Variants in KCTD15 observed in about 807,000 individuals in gnomAD.
KCTD15 encodes BTB/POZ domain-containing protein KCTD15.
In KCTD15, 11 loss-of-function variants were observed where a neutral mutation model predicts 27.2. The observed-to-expected ratio is 0.41, with a 90% CI of 0.25 to 0.67. The LOEUF is 0.67. Among genes scored for constraint, KCTD15 ranks in the 30% least tolerant of loss-of-function variants. The pLI is 0.35. For synonymous variants in KCTD15, 163 were observed against 176.0 expected, an observed-to-expected ratio of 0.93 and a Z score of 0.58; for missense variants, 350 against 409.3, an observed-to-expected ratio of 0.86 and a Z score of 1.25.
rs560295318 is a variant in KCTD15 at position 33,800,502 on chromosome 19, C to T, written c.48C>T (p.His16=). 8 of 1,600,626 alleles carry T rather than the reference C, an allele frequency of 5.0e-6. No individual in the cohort carries two copies. Among genetic ancestry groups the T allele is most frequent in the East Asian group, 2.3e-5 (1 of 44,346 alleles). ...CGAGCGGGTCCTCGCTTCACACACACGGCAGCACCGGCACCGCGGTGAGCC... is the reference window on the plus strand; with the variant it reads ...CGAGCGGGTCCTCGCTTCACACACATGGCAGCACCGGCACCGCGGTGAGCC... The part of the protein sequence containing the change: ...ERPSGSSLHT[H]GSTGTAEGGN... The change falls in exon 3 of 7, where the codon CAC becomes CAT. Residue 16 remains histidine (H), a synonymous_variant. Coordinates refer to ENST00000683859, the MANE Select transcript of KCTD15 (RefSeq NM_001129994.2).
chr19:33,800,201 G>C (rs1975480571), intron 2 of KCTD15, among the ~76,000 whole-genome samples: 1 of 152,116 alleles, frequency 6.6e-6, no homozygotes, highest in South Asian at 2.1e-4. Context: ...GAGTGTGACT[G>C]TGTGTGTGTG....
chr19:33,805,634 C>T (rs1975687001), intron 4 of KCTD15, among the ~76,000 whole-genome samples: 1 of 152,226 alleles, frequency 6.6e-6, no homozygotes, highest in Admixed American at 6.5e-5. Context: ...GAGAAGCTGC[C>T]ACCTTGGCAG....
At position 33,815,037 on chromosome 19, in the gene KCTD15, G is replaced by C. The variant is rs1035281409; in HGVS notation, c.*2089G>C. On this transcript the variant is annotated 3_prime_UTR_variant, in exon 7 of 7. Transcript: ENST00000683859. Reference sequence around the variant, plus strand: ...CCATCTGAGTGGAGGAGAAAGTGTTGTGTTTATTAGCAGGAAGTCTTGTGA... The same window carrying C: ...CCATCTGAGTGGAGGAGAAAGTGTTCTGTTTATTAGCAGGAAGTCTTGTGA... 6.6e-6 allele frequency: 1 copy of C among 152,202 alleles called. No homozygotes were observed. The highest frequency in any genetic ancestry group is 2.4e-5 in the African/African-American group (1 of 41,444). The allele number at this position is 152,202 out of a possible 1,614,324, so 9.4% of individuals were successfully genotyped here.
intron 2 of KCTD15, among the ~76,000 whole-genome samples, chr19:33,800,199 C>CTG (rs558591760): frequency 1.4e-4 from 21 of 152,136 alleles, no homozygotes; most frequent in Non-Finnish European, 2.5e-4. Context: ...GTGAGTGTGA[C>CTG]TGTGTGTGTG....
In KCTD15 at chr19:33,800,424, G is replaced by T; in HGVS notation, c.-27-4G>T. On this transcript the variant is annotated splice_region_variant and splice_polypyrimidine_tract_variant and intron_variant, in intron 2 of 6. Transcript: ENST00000683859. Reference sequence around the variant, plus strand: ...TTCTCTGGTTTTGTCGATGCCTCCCGCAGATACTCTGGGCAGGGATGGAAG... The same window carrying T: ...TTCTCTGGTTTTGTCGATGCCTCCCTCAGATACTCTGGGCAGGGATGGAAG... 6.3e-7 allele frequency: 1 copy of T among 1,589,616 alleles called. No individual in the cohort carries two copies.
intron 4 of KCTD15, among the ~76,000 whole-genome samples, chr19:33,806,467 G>A (rs1975715209): frequency 6.6e-6 from 1 of 152,162 alleles, no homozygotes; most frequent in Non-Finnish European, 1.5e-5. Flanking sequence ...GATGGTTCAT[G>A]TGCATTTTCT....
upstream of KCTD15, chr19:33,796,820 CGGGAGGGGTGGGTGGG>C (rs1355124091): frequency 6.0e-4 from 2 of 3,318 alleles, no homozygotes; most frequent in African/African-American, 2.5e-3. Flanking sequence ...GGGGCCGGGG[CGGGAGGGGTGGGTGGG>C]GGGAGGGTTG....
At chr19:33,796,649 G>C (rs1975324352), upstream of KCTD15, 3 of 151,696 alleles carry the variant, frequency 2.0e-5, no homozygotes, top group African/African-American at 7.3e-5. Flanking sequence ...GGAGAGAGAG[G>C]AGGGAGGAGA....
At chr19:33,794,241 G>A (rs576049254), upstream of KCTD15, among the ~76,000 whole-genome samples, 5 of 152,298 alleles carry the variant, frequency 3.3e-5, no homozygotes, top group East Asian at 3.9e-4. Context: ...TCATGGCCTT[G>A]AGGCAAAGAG....
intron 4 of KCTD15, chr19:33,801,568 T>C (rs924964422): frequency 6.6e-5 from 29 of 437,610 alleles, no homozygotes; most frequent in Admixed American, 2.5e-4. Flanking sequence ...GCATTGGTAG[T>C]GCAAGGTGGA....
chr19:33,807,527 G>C (rs1975750692), intron 5 of KCTD15, among the ~76,000 whole-genome samples: 1 of 152,168 alleles, frequency 6.6e-6, no homozygotes, highest in South Asian at 2.1e-4. Flanking sequence ...TTTGAGACCA[G>C]CCTGGCCAAG....
Position 33,814,801 on chromosome 19 carries a change from C to T in KCTD15, c.*1853C>T, listed in dbSNP as rs992865376. On this transcript the variant is annotated 3_prime_UTR_variant, in exon 7 of 7. Transcript: ENST00000683859. Reference sequence around the variant, plus strand: ...TTCTCAAAGCCCTTATGTTCTAACCCATGAGAACCATTTTACCTGCCCTCT... The same window carrying T: ...TTCTCAAAGCCCTTATGTTCTAACCTATGAGAACCATTTTACCTGCCCTCT... The T allele has an allele frequency of 3.9e-5, 6 of 152,250 alleles. No homozygotes were observed. In the East Asian group the frequency reaches 1.2e-3, roughly 29 times the overall value. 9.4% of individuals were successfully genotyped at this position (152,250 alleles called of 1,614,324 possible).
intron 4 of KCTD15, among the ~76,000 whole-genome samples, chr19:33,805,887 C>G (rs1975695364): frequency 6.6e-6 from 1 of 152,156 alleles, no homozygotes; most frequent in African/African-American, 2.4e-5. Context: ...CTGGCTCCTT[C>G]TCCCCGGAGT....
At chr19:33,807,583 G>A (rs1309626558) in intron 5 of KCTD15, among the ~76,000 whole-genome samples, 6 of 152,246 alleles carry the variant, frequency 3.9e-5, no homozygotes, top group East Asian at 1.9e-4. Flanking sequence ...TTAGCCAGGC[G>A]TGGTGGCAGG....
chr19:33,811,177 T>TGCCCCCACCCCCCACCC, intron 5 of KCTD15, 70 bp from the exon 6 acceptor site: 1 of 786,088 alleles, frequency 1.3e-6, no homozygotes, highest in Non-Finnish European at 1.9e-6. Flanking sequence ...GCAGGCCGCC[T>TGCCCCCACCCCCCACCC]CCCCTCTCCC....
intron 5 of KCTD15, 56 bp from the exon 6 acceptor site, chr19:33,811,191 T>TACCCCCCC: frequency 4.9e-6 from 3 of 615,000 alleles, no homozygotes. Context: ...CTCTCCCCCT[T>TACCCCCCC]CCCCCACCAC....
At chr19:33,800,393 T>C in intron 2 of KCTD15, 35 bp from the exon 3 acceptor site, 10 of 1,498,410 alleles carry the variant, frequency 6.7e-6, no homozygotes, top group Non-Finnish European at 6.4e-6. Context: ...CTAGGAGGAA[T>C]AAGCCTTCTC....
chr19:33,798,744 C>T lies in KCTD15; in HGVS notation c.-50C>T, dbSNP rs1395951238. 1.3e-5 allele frequency: 2 copies of T among 152,614 alleles called. No individual in the cohort carries two copies. Among genetic ancestry groups the T allele is most frequent in the African/African-American group, 2.4e-5 (1 of 41,430 alleles). 9.5% of individuals were successfully genotyped at this position (152,614 alleles called of 1,614,324 possible). Reference sequence around the variant, plus strand: ...GAAACCTTGGAGATTCACGGCAAGGCGTAAAGCCTGGGGCTTCCAACGGTA... The same window carrying T: ...GAAACCTTGGAGATTCACGGCAAGGTGTAAAGCCTGGGGCTTCCAACGGTA... On this transcript the variant is annotated 5_prime_UTR_variant, in exon 2 of 7. Transcript: ENST00000683859.
chr19:33,797,327 C>G (rs951510511), intron 1 of KCTD15: 3 of 426,942 alleles, frequency 7.0e-6, no homozygotes, highest in Admixed American at 2.7e-5. Flanking sequence ...CGCACTCTGG[C>G]CCCTGTTCTG....
Sources: allele counts gnomAD v4.1 joint callset (sites outside exome capture counted in the v4.1 genomes callset), GRCh38; gene constraint gnomAD v4.1.1; transcripts MANE v1.5; gene names NCBI Gene and HGNC (gene_info 2026-07-23, HGNC 2026-07-21).